Variants in PRKG2 observed in about 807,000 individuals in gnomAD.
The protein encoded by PRKG2 is cGMP-dependent protein kinase 2.
PRKG2 carries 33 observed loss-of-function variants against 97.2 expected under a neutral mutation model. That is an observed-to-expected ratio of 0.34 (90% CI 0.26 to 0.45). The LOEUF (loss-of-function observed/expected upper bound fraction) is 0.45. Ranked by LOEUF, PRKG2 falls within the 20% of genes least tolerant of loss-of-function variation. PRKG2 has a pLI of 1.00. For synonymous variants in PRKG2, 330 were observed against 321.8 expected (o/e 1.03, Z -0.27); for missense variants, 638 against 900.0 (o/e 0.71, Z 3.73).
At chr4:81,130,465 G>A (rs1746061551) in intron 14 of PRKG2, among the ~76,000 whole-genome samples, 2 of 152,156 alleles carry the variant, frequency 1.3e-5, no homozygotes, top group African/African-American at 2.4e-5. Context: ...GAGGAACAAG[G>A]GTCAGGGACC....
At chr4:81,205,736 A>G (rs1753611220) in intron 1 of PRKG2, among the ~76,000 whole-genome samples, 1 of 152,186 alleles carries the variant, frequency 6.6e-6, no homozygotes, top group Non-Finnish European at 1.5e-5. Context: ...TCCAAAATGT[A>G]CGACCCATGC....
intron 14 of PRKG2, among the ~76,000 whole-genome samples, chr4:81,113,126 G>T (rs920560647): frequency 6.6e-6 from 1 of 152,180 alleles, no homozygotes; most frequent in Non-Finnish European, 1.5e-5. Flanking sequence ...GAAGGCCAGC[G>T]TGGCTGGGCA....
intron 9 of PRKG2, among the ~76,000 whole-genome samples, chr4:81,146,866 A>T (rs908222088): frequency 1.3e-5 from 2 of 152,206 alleles, no homozygotes; most frequent in African/African-American, 4.8e-5. Context: ...AGTCATAGCT[A>T]GGATGATCAT....
chr4:81,107,671 C>T (rs1053778491), intron 15 of PRKG2, among the ~76,000 whole-genome samples: 4 of 151,992 alleles, frequency 2.6e-5, no homozygotes, highest in African/African-American at 9.7e-5. Flanking sequence ...CGCCACCATG[C>T]CCAGCTAATT....
chr4:81,188,231 T>C (rs1374852943), intron 2 of PRKG2, among the ~76,000 whole-genome samples: 1 of 151,342 alleles, frequency 6.6e-6, no homozygotes, highest in Admixed American at 6.6e-5. Flanking sequence ...CAGACACTTC[T>C]CAAAAGAAGA....
chr4:81,192,539 T>C (rs924856380), intron 2 of PRKG2, among the ~76,000 whole-genome samples: 2 of 152,208 alleles, frequency 1.3e-5, no homozygotes, highest in African/African-American at 4.8e-5. Context: ...AGCACCTTCC[T>C]TGCTTCATTA....
At chr4:81,182,516 T>A (rs1751502447) in intron 2 of PRKG2, among the ~76,000 whole-genome samples, 1 of 151,772 alleles carries the variant, frequency 6.6e-6, no homozygotes, top group Admixed American at 6.6e-5. Context: ...TAATCCTGAA[T>A]CAGAAGTCTG....
chr4:81,139,978 T>C (rs149892523), intron 12 of PRKG2, among the ~76,000 whole-genome samples: 115 of 152,140 alleles, frequency 7.6e-4, no homozygotes, highest in African/African-American at 2.6e-3. Flanking sequence ...ACAAAAAAAA[T>C]GAGATTCTGT....
At chr4:81,167,372 C>A in intron 5 of PRKG2, 148 bp from the exon 6 acceptor site, 1 of 504,104 alleles carries the variant, frequency 2.0e-6, no homozygotes, top group Non-Finnish European at 3.5e-6. Flanking sequence ...ACTGAAAACA[C>A]ATCAATAACT....
Position 81,151,964 on chromosome 4 carries a change from T to C in PRKG2, c.1081A>G (p.Ile361Val). The change falls in exon 8 of 19, where the codon ATC becomes GTC. Residue 361 changes from isoleucine to valine, a missense_variant. Physicochemically the swap from Ile to Val is conservative, Grantham distance 29. Around this residue, in one of 3 missense-constraint regions of PRKG2, gnomAD observed 332 missense variants for 421.7 expected, o/e 0.79. Coordinates refer to ENST00000264399, the MANE Select transcript of PRKG2 (RefSeq NM_006259.3). ...KGEYFGEKAL[I>V]SDDVRSANII... ...GCATATAATTCATGAATTCACCTGA[T>C]AAGAGCTTTTTCTCCAAAGTATTCT... The C allele has an allele frequency of 1.9e-6, 3 of 1,605,358 alleles. No homozygotes were observed. Among genetic ancestry groups the C allele is most frequent in the South Asian group, 1.1e-5 (1 of 90,332 alleles).
chr4:81,199,188 C>T (rs922289967), intron 2 of PRKG2, among the ~76,000 whole-genome samples: 1 of 152,004 alleles, frequency 6.6e-6, no homozygotes, highest in African/African-American at 2.4e-5. Flanking sequence ...ACATGTAAGT[C>T]AGTATTTCAT....
chr4:81,140,020 CGTTAT>C (rs1206230819), intron 12 of PRKG2, among the ~76,000 whole-genome samples: 1 of 151,954 alleles, frequency 6.6e-6, no homozygotes, highest in Non-Finnish European at 1.5e-5. Context: ...AACTGGAGGT[CGTTAT>C]GTTATGTGAA....
At chr4:81,193,216 C>A (rs1325164391) in intron 2 of PRKG2, 1 of 152,068 alleles carries the variant, frequency 6.6e-6, no homozygotes, top group Admixed American at 6.6e-5. Flanking sequence ...TTAATTATAT[C>A]TACATGCAAT....
In PRKG2 at chr4:81,089,708, T is replaced by C. The variant is rs1241403547; in HGVS notation, c.2289A>G (p.Ter763TrpextTer5). ...DELSGWDKDF[*>W] ...CAGGCAGTAATCAACTTTTCTTCTG[T>C]CAGAAGTCTTTATCCCAGCCTGATA... Residue 763 changes from the stop codon to tryptophan, a stop_lost, in exon 19 of 19, where the codon TGA (stop) becomes TGG (tryptophan). Transcript: ENST00000264399. 6.3e-7 allele frequency: 1 copy of C among 1,598,790 alleles called. No individual in the cohort carries two copies. Among genetic ancestry groups the C allele is most frequent in the South Asian group, 1.1e-5 (1 of 90,662 alleles).
intron 14 of PRKG2, among the ~76,000 whole-genome samples, chr4:81,128,121 A>G (rs920400372): frequency 2.7e-5 from 4 of 148,144 alleles, no homozygotes. Context: ...CTCTTTATCT[A>G]ATGAATTACA....
chr4:81,133,632 G>A (rs2110024608), intron 14 of PRKG2, among the ~76,000 whole-genome samples: 1 of 152,132 alleles, frequency 6.6e-6, no homozygotes, highest in East Asian at 1.9e-4. Context: ...AGGATTTCAA[G>A]GTACATAGTT....
intron 1 of PRKG2, among the ~76,000 whole-genome samples, chr4:81,212,312 G>A (rs534567629): frequency 6.1e-5 from 8 of 132,192 alleles, no homozygotes; most frequent in African/African-American, 8.8e-5. Flanking sequence ...CAGAATGTTC[G>A]CGGTGAATTT....
At chr4:81,141,439 A>T (rs1257892125) in intron 11 of PRKG2, among the ~76,000 whole-genome samples, 2 of 152,234 alleles carry the variant, frequency 1.3e-5, no homozygotes, top group African/African-American at 4.8e-5. Flanking sequence ...CTCAACAGTC[A>T]TATCTAGTTA....
At chr4:81,120,498 T>C (rs1194624644) in intron 14 of PRKG2, among the ~76,000 whole-genome samples, 3 of 152,240 alleles carry the variant, frequency 2.0e-5, no homozygotes, top group Non-Finnish European at 4.4e-5. Flanking sequence ...GTAGTTTTCC[T>C]CATAGATCTT....
Sources: allele counts gnomAD v4.1 joint callset (sites outside exome capture counted in the v4.1 genomes callset), GRCh38; gene constraint gnomAD v4.1.1; regional missense constraint gnomAD v4.1.1; transcripts MANE v1.5; gene names NCBI Gene and HGNC (gene_info 2026-07-23, HGNC 2026-07-21).